Variants in ANKRD12 observed in about 807,000 individuals in gnomAD.
ANKRD12 encodes ankyrin repeat domain 12, also known as ankyrin repeat domain-containing protein 12.
Under a neutral mutation model 183.4 loss-of-function variants are expected in ANKRD12, and 85 were observed. The ratio of observed to expected loss-of-function variants is 0.46; its 90% CI spans 0.39 to 0.56. The LOEUF (loss-of-function observed/expected upper bound fraction) is 0.56. Ranked by LOEUF, ANKRD12 falls within the 20% of genes least tolerant of loss-of-function variation. ANKRD12 has a pLI of 0.00. For synonymous variants in ANKRD12, 914 were observed against 800.2 expected, an observed-to-expected ratio of 1.14 and a Z score of -2.40; for missense variants, 2,405 against 2,357.1, an observed-to-expected ratio of 1.02 and a Z score of -0.42.
intron 1 of ANKRD12, among the ~76,000 whole-genome samples, chr18:9,159,424 T>A (rs2031077887): frequency 6.6e-6 from 1 of 151,998 alleles, no homozygotes; most frequent in South Asian, 2.1e-4. Context: ...TCCATTTATT[T>A]TTTTACTTTT....
chr18:9,195,764 T>A, intron 3 of ANKRD12, 66 bp downstream of exon 3: 1 of 1,464,698 alleles, frequency 6.8e-7, no homozygotes. Context: ...TTGTTTCTTG[T>A]ACACCACTCC....
chr18:9,219,859 A>G (rs2036319610), intron 7 of ANKRD12, among the ~76,000 whole-genome samples: 1 of 152,026 alleles, frequency 6.6e-6, no homozygotes, highest in Admixed American at 6.6e-5. Context: ...TTTAGCTCTC[A>G]CATCCTCTCC....
At chr18:9,152,285 C>G (rs2078708452) in intron 1 of ANKRD12, among the ~76,000 whole-genome samples, 1 of 152,148 alleles carries the variant, frequency 6.6e-6, no homozygotes, top group Admixed American at 6.5e-5. Flanking sequence ...AAGCTTTATC[C>G]TATAGGGAAA....
In ANKRD12 at chr18:9,281,718, CAT is replaced by C. The variant is rs532623236; in HGVS notation, c.*593_*594del. 3 of 152,744 alleles carry C rather than the reference CAT, an allele frequency of 2.0e-5. No homozygotes were observed. Among genetic ancestry groups the C allele is most frequent in the African/African-American group, 7.2e-5 (3 of 41,566 alleles). 9.5% of individuals were successfully genotyped at this position (152,744 alleles called of 1,614,324 possible). ...TGTATAAAGGGATTGGTAGTCAAAA[CAT>C]GTACAAAGAAATACCTGTAAAACTG... On this transcript the variant is annotated 3_prime_UTR_variant, in exon 13 of 13. Coordinates refer to ENST00000262126, the MANE Select transcript of ANKRD12 (RefSeq NM_015208.5).
chr18:9,264,757 A>G (rs1049061000), intron 10 of ANKRD12, among the ~76,000 whole-genome samples: 1 of 142,384 alleles, frequency 7.0e-6, no homozygotes, highest in Non-Finnish European at 1.5e-5. Flanking sequence ...ATCAATAGCT[A>G]TTTCAACTAT....
chr18:9,165,950 T>C (rs2032013024), intron 1 of ANKRD12, among the ~76,000 whole-genome samples: 1 of 145,086 alleles, frequency 6.9e-6, no homozygotes, highest in South Asian at 2.2e-4. Context: ...AATTACCACC[T>C]ATGAGTGAGA....
At chr18:9,235,691 A>T (rs879548389) in intron 8 of ANKRD12, 22 of 456,138 alleles carry the variant, frequency 4.8e-5, no homozygotes, top group Non-Finnish European at 8.8e-5. Context: ...AAGTTGAACT[A>T]TACCAAGTGT....
At position 9,256,431 on chromosome 18, in the gene ANKRD12, A is replaced by G. The variant is rs200104924; in HGVS notation, c.3164A>G (p.Lys1055Arg). The G allele has an allele frequency of 5.8e-5, 94 of 1,613,354 alleles. No individual in the cohort carries two copies. Among genetic ancestry groups the G allele is most frequent in the Non-Finnish European group, 7.8e-5 (92 of 1,179,766 alleles). ...TCTGAAGCAGATAAGCCTAAACCTAAGTCATCACCAGCATCAAAAGATACC... is the reference window on the plus strand; with the variant it reads ...TCTGAAGCAGATAAGCCTAAACCTAGGTCATCACCAGCATCAAAAGATACC... ...LKSEADKPKP[K>R]SSPASKDTRP... Residue 1055 changes from lysine to arginine, a missense_variant, in exon 9 of 13, where the codon AAG (lysine) becomes AGG (arginine). This residue lies in a region of ANKRD12 where 1,983 missense variants were observed against 1,725.9 expected (regional missense o/e 1.15). Transcript: ENST00000262126.
chr18:9,278,605 T>C (rs1394329876), intron 11 of ANKRD12, among the ~76,000 whole-genome samples: 1 of 152,178 alleles, frequency 6.6e-6, no homozygotes, highest in Non-Finnish European at 1.5e-5. Flanking sequence ...GAGACCAGCC[T>C]GGCCAATATG....
chr18:9,255,577 AAAAG>A lies in ANKRD12; in HGVS notation c.2313_2316del (p.Glu772ArgfsTer18). Reference sequence around the variant, plus strand: ...TTAGGGAGGAAAAAATAAAAGATCTAAAAGAAGAGAGAGAAAACATACCCACAGA... The same window carrying A: ...TTAGGGAGGAAAAAATAAAAGATCTAAAGAGAGAGAAAACATACCCACAGA... On this transcript the variant is annotated frameshift_variant, in exon 9 of 13. Coordinates refer to ENST00000262126, the MANE Select transcript of ANKRD12 (RefSeq NM_015208.5). LOFTEE classifies it high-confidence loss of function. 1 of 1,569,232 alleles carries A rather than the reference AAAAG, an allele frequency of 6.4e-7. No homozygotes were observed. Among genetic ancestry groups the A allele is most frequent in the Non-Finnish European group, 8.6e-7 (1 of 1,168,406 alleles).
chr18:9,260,192 A>G (rs1438759007), intron 9 of ANKRD12: 1 of 152,148 alleles, frequency 6.6e-6, no homozygotes, highest in African/African-American at 2.4e-5. Context: ...ACTAATTGCC[A>G]TTTTATAAAA....
At position 9,231,649 on chromosome 18, in the gene ANKRD12, CTG is replaced by C. The variant is rs573156579; in HGVS notation, c.943+9654_943+9655del. ...AAAACCATCCTTGCTAACAGTGAAA[CTG>C]TGTTTCTACTAAAAATACAAAAAAT... On this transcript the variant is annotated intron_variant, in intron 8 of 12. Transcript: ENST00000262126. Among the ~76,000 whole-genome samples, 957 of 151,852 alleles carry C rather than the reference CTG, an allele frequency of 6.3e-3. 7 individuals carry two copies. The highest frequency in any genetic ancestry group is 0.017 in the Middle Eastern group (5 of 294).
chr18:9,256,232 G>T lies in ANKRD12; in HGVS notation c.2965G>T (p.Gly989Cys), dbSNP rs35253121. 5.0e-6 allele frequency: 8 copies of T among 1,596,274 alleles called. No individual in the cohort carries two copies. Among genetic ancestry groups the T allele is most frequent in the Non-Finnish European group, 6.8e-6 (8 of 1,174,508 alleles). Reference protein sequence around the residue: ...QEEKKSSIVDGNKAQHEKPLS... With the variant: ...QEEKKSSIVDCNKAQHEKPLS... ...AGAAAAAAAATCAAGTATAGTAGAC[G>T]GTAATAAAGCACAACATGAAAAACC... The change falls in exon 9 of 13, where the codon GGT becomes TGT. Residue 989 changes from glycine to cysteine, a missense_variant. Gly to Cys is a radical substitution (Grantham distance 159). Coordinates refer to ENST00000262126, the MANE Select transcript of ANKRD12 (RefSeq NM_015208.5).
intron 8 of ANKRD12, among the ~76,000 whole-genome samples, chr18:9,251,173 A>G (rs2038274105): frequency 6.6e-6 from 1 of 152,186 alleles, no homozygotes. Context: ...AATAGATGTC[A>G]TGTGTCAACA....
intron 1 of ANKRD12, among the ~76,000 whole-genome samples, chr18:9,143,185 G>T (rs1480065091): frequency 6.6e-6 from 1 of 152,176 alleles, no homozygotes; most frequent in Non-Finnish European, 1.5e-5. Flanking sequence ...TGTAAGTGTA[G>T]ATATCTTAAA....
At chr18:9,157,681 C>T (rs1407170144) in intron 1 of ANKRD12, among the ~76,000 whole-genome samples, 1 of 148,450 alleles carries the variant, frequency 6.7e-6, no homozygotes, top group Non-Finnish European at 1.5e-5. Context: ...CGACTCACTG[C>T]AACCTCTGCC....
At chr18:9,253,472 C>T (rs1198280644) in intron 8 of ANKRD12, among the ~76,000 whole-genome samples, 1 of 152,154 alleles carries the variant, frequency 6.6e-6, no homozygotes, top group Non-Finnish European at 1.5e-5. Flanking sequence ...ACTTAAAGTA[C>T]TGTCCTCCAG....
At chr18:9,267,066 A>G (rs892596416) in intron 10 of ANKRD12, among the ~76,000 whole-genome samples, 3 of 152,166 alleles carry the variant, frequency 2.0e-5, no homozygotes, top group Non-Finnish European at 4.4e-5. Context: ...AGAAGAGCTA[A>G]CTATCCTAAA....
intron 9 of ANKRD12, chr18:9,259,622 G>A (rs1290239939): frequency 6.6e-6 from 1 of 152,154 alleles, no homozygotes; most frequent in Admixed American, 6.5e-5. Context: ...TTCTAAAAGA[G>A]ACTAAAAGCA....
Sources: allele counts gnomAD v4.1 joint callset (sites outside exome capture counted in the v4.1 genomes callset), GRCh38; gene constraint gnomAD v4.1.1; regional missense constraint gnomAD v4.1.1; transcripts MANE v1.5; gene names NCBI Gene and HGNC (gene_info 2026-07-23, HGNC 2026-07-21).